The following MAP3K13 variants were observed in gnomAD, a reference collection of about 807,000 sequenced individuals.
The protein encoded by MAP3K13 is leucine zipper-bearing kinase.
A neutral mutation model predicts 104.0 loss-of-function variants in MAP3K13; 52 were observed. That is an observed-to-expected ratio of 0.50 (90% CI 0.40 to 0.63). The LOEUF is 0.63. Ranked by LOEUF, MAP3K13 falls within the 20% of genes least tolerant of loss-of-function variation. The pLI is 0.00. For missense variants in MAP3K13, 914 were observed against 1,218.5 expected (o/e 0.75, Z 3.72); for synonymous variants, 394 against 442.2 (o/e 0.89, Z 1.37).
At chr3:185,415,573 A>ATTTTTTTTTTTT (rs34633048) in intron 1 of MAP3K13, among the ~76,000 whole-genome samples, 2 of 119,452 alleles carry the variant, frequency 1.7e-5, no homozygotes, top group Admixed American at 9.4e-5. Flanking sequence ...AGAAGGGTTA[A>ATTTTTTTTTTTT]TTTCTTTTTT....
At chr3:185,331,023 C>A (rs1695037330) in intron 2 of MAP3K13, among the ~76,000 whole-genome samples, 1 of 151,896 alleles carries the variant, frequency 6.6e-6, no homozygotes, top group South Asian at 2.1e-4. Flanking sequence ...CCTTCCCAGA[C>A]TACCCTAACT....
At chr3:185,362,935 ACACACACACACACACACACACG>A (rs1356801731), upstream of MAP3K13, 14 of 98,486 alleles carry the variant, frequency 1.4e-4, no homozygotes, top group South Asian at 3.3e-4. Flanking sequence ...CTTGAAACAC[ACACACACACACACACACACACG>A]CACACACACA....
At chr3:185,377,219 A>C (rs2108754879) in intron 1 of MAP3K13, among the ~76,000 whole-genome samples, 1 of 152,330 alleles carries the variant, frequency 6.6e-6, no homozygotes, top group Non-Finnish European at 1.5e-5. Context: ...ATAGGCTTTA[A>C]AAGGCCATGC....
rs139980735 is a variant in MAP3K13, at chr3:185,340,703, G to T, written c.-86+55060G>T. 9.0e-3 allele frequency among the ~76,000 whole-genome samples: 1,368 copies of T among 152,196 alleles called. 23 individuals are homozygous for T. Among genetic ancestry groups the T allele is most frequent in the African/African-American group, 0.031 (1,301 of 41,520 alleles). On this transcript the variant is annotated intron_variant, in intron 2 of 14. Coordinates refer to the MAP3K13 transcript ENST00000424227. ...AGGTGGAGGTAATTAGATCACGGGG[G>T]TAGTTTGCTCTATGCCGTTCTTGTG...
chr3:185,366,509 C>G (rs767204312), intron 1 of MAP3K13, among the ~76,000 whole-genome samples: 2 of 152,146 alleles, frequency 1.3e-5, no homozygotes, highest in Non-Finnish European at 1.5e-5. Flanking sequence ...TCAGGAGATG[C>G]CAAATTGTTT....
rs575201352 is a variant in MAP3K13, at chr3:185,418,931, A to T, written c.-85-9566A>T. 5.3e-5 allele frequency among the ~76,000 whole-genome samples: 8 copies of T among 152,358 alleles called. No individual in the cohort carries two copies. In the South Asian group the frequency reaches 1.7e-3, roughly 32 times the overall value. On this transcript the variant is annotated intron_variant, in intron 1 of 13. Coordinates refer to ENST00000265026, the MANE Select transcript of MAP3K13 (RefSeq NM_004721.5). This position sits in a 1 kb window ranked among gnomAD's most constrained non-coding sequence, Gnocchi z 4.5. The stretch of plus-strand genomic sequence containing the variant: ...CAAATGTGAATCTCATTAGTAGAAA[A>T]GGTAAAAACAAAATAGGAGTCATTA...
chr3:185,463,370 T>C (rs1331635877), intron 7 of MAP3K13, among the ~76,000 whole-genome samples, 180 bp from the exon 8 acceptor site: 1 of 152,098 alleles, frequency 6.6e-6, no homozygotes, highest in Non-Finnish European at 1.5e-5. Flanking sequence ...GGCTGGGGCG[T>C]GGAGATATAG....
intron 1 of MAP3K13, among the ~76,000 whole-genome samples, chr3:185,375,190 C>T (rs1724363951): frequency 6.6e-6 from 1 of 152,146 alleles, no homozygotes; most frequent in African/African-American, 2.4e-5. Context: ...ACTGCAGTGG[C>T]TTCTTAGACC....
At chr3:185,335,582 G>A (rs545943526) in intron 2 of MAP3K13, among the ~76,000 whole-genome samples, 1 of 152,236 alleles carries the variant, frequency 6.6e-6, no homozygotes, top group East Asian at 1.9e-4. Flanking sequence ...TATCGGTGGA[G>A]GATTGGTTCC....
chr3:185,383,717 T>A (rs1369142460), intron 1 of MAP3K13, among the ~76,000 whole-genome samples: 1 of 152,184 alleles, frequency 6.6e-6, no homozygotes, highest in East Asian at 1.9e-4. Flanking sequence ...GCCAGCAGAA[T>A]CATGAATCAA....
rs149408107 is a variant in MAP3K13, at chr3:185,468,430, C to T, written c.1643+1467C>T. The stretch of plus-strand genomic sequence containing the variant: ...CATATTTGCCTTGTATTAGTTTAAT[C>T]TTGGAATTCTCTTCCTCTCATTTTT... On this transcript the variant is annotated intron_variant, in intron 10 of 13. Transcript: ENST00000265026. 4.3e-3 allele frequency among the ~76,000 whole-genome samples: 656 copies of T among 152,280 alleles called. 5 individuals carry two copies. Among genetic ancestry groups the T allele is most frequent in the African/African-American group, 0.015 (617 of 41,568 alleles).
intron 1 of MAP3K13, among the ~76,000 whole-genome samples, chr3:185,368,708 G>A (rs1445516056): frequency 6.6e-6 from 1 of 152,160 alleles, no homozygotes; most frequent in African/African-American, 2.4e-5. Flanking sequence ...TGTAAGCCCA[G>A]CACTCTGAGA....
intron 2 of MAP3K13, among the ~76,000 whole-genome samples, chr3:185,352,780 C>G (rs974525438): frequency 6.6e-6 from 1 of 152,204 alleles, no homozygotes; most frequent in African/African-American, 2.4e-5. Flanking sequence ...CTTCCTCATT[C>G]CTATATTCTC....
intron 2 of MAP3K13, among the ~76,000 whole-genome samples, chr3:185,304,949 G>A (rs1721243062): frequency 6.6e-6 from 1 of 152,050 alleles, no homozygotes; most frequent in African/African-American, 2.4e-5. Context: ...TTCTCTTTTG[G>A]TTATCATTTG....
chr3:185,353,477 G>T (rs1160826116), intron 2 of MAP3K13, among the ~76,000 whole-genome samples: 3 of 152,242 alleles, frequency 2.0e-5, no homozygotes, highest in Admixed American at 1.3e-4. Context: ...ATTGGCATAG[G>T]TGTGGGCTAC....
chr3:185,405,724 C>G (rs184865616), intron 1 of MAP3K13, among the ~76,000 whole-genome samples: 10 of 152,318 alleles, frequency 6.6e-5, no homozygotes, highest in Admixed American at 5.9e-4. Context: ...ATCATAGTTG[C>G]TGCTTCCCTT....
intron 2 of MAP3K13, among the ~76,000 whole-genome samples, chr3:185,324,174 C>A (rs1364059259): frequency 6.6e-6 from 1 of 151,984 alleles, no homozygotes; most frequent in Non-Finnish European, 1.5e-5. Flanking sequence ...CCACGCCCGG[C>A]TAATTTTTTT....
intron 11 of MAP3K13, among the ~76,000 whole-genome samples, chr3:185,475,231 A>G (rs1718049656): frequency 6.6e-6 from 1 of 152,166 alleles, no homozygotes; most frequent in East Asian, 1.9e-4. Context: ...AATACATATA[A>G]AGCATTTAGA....
intron 2 of MAP3K13, among the ~76,000 whole-genome samples, chr3:185,289,185 T>G (rs1321634268): frequency 2.0e-5 from 3 of 152,128 alleles, no homozygotes; most frequent in Non-Finnish European, 4.4e-5. Context: ...CTATTAATAG[T>G]TAGCAGTGAA....
Sources: gnomAD v4.1 joint callset for allele counts (sites outside exome capture counted in the v4.1 genomes callset) on GRCh38, gnomAD v4.1.1 for gene constraint, Gnocchi (gnomAD v3.1) non-coding constraint, MANE v1.5 for transcripts, NCBI Gene and HGNC (gene_info 2026-07-23, HGNC 2026-07-21) for gene names.